The following SHROOM3 variants were observed in gnomAD, a reference collection of about 807,000 sequenced individuals.
SHROOM3 encodes protein Shroom3.
In SHROOM3, 47 loss-of-function variants were observed where a neutral mutation model predicts 138.6. The ratio of observed to expected loss-of-function variants is 0.34; its 90% confidence interval spans 0.27 to 0.43. SHROOM3 has a LOEUF of 0.43. Among genes scored for constraint, SHROOM3 ranks in the 20% least tolerant of loss-of-function variants. The pLI, the probability that SHROOM3 is intolerant of heterozygous loss-of-function variation, is 1.00. For missense variants in SHROOM3, 2,491 were observed against 2,596.5 expected, an observed-to-expected ratio of 0.96 and a Z score of 0.88; for synonymous variants, 1,062 against 1,063.3, an observed-to-expected ratio of 1.00 and a Z score of 0.02.
rs545132943 is a variant in SHROOM3 at position 76,442,107 on chromosome 4, C to G, written c.168+5887C>G. On this transcript the variant is annotated intron_variant, in intron 1 of 10. Transcript: ENST00000296043. ...TGGCGTCCTGCCAATAAATTGTACT[C>G]GTTAAGGCCAGATGGGTTTTACTCA... Among the ~76,000 whole-genome samples, 583 of 152,324 alleles carry G rather than the reference C, an allele frequency of 3.8e-3. 2 individuals carry two copies. Among genetic ancestry groups the G allele is most frequent in the African/African-American group, 0.013 (556 of 41,576 alleles).
At chr4:76,640,023 G>A (rs1207201621) in intron 2 of SHROOM3, among the ~76,000 whole-genome samples, 1 of 151,930 alleles carries the variant, frequency 6.6e-6, no homozygotes, top group Non-Finnish European at 1.5e-5. Flanking sequence ...TTTCTGAATG[G>A]TGTTTATTTT....
At chr4:76,510,127 C>T (rs980144147) in intron 1 of SHROOM3, among the ~76,000 whole-genome samples, 1 of 152,006 alleles carries the variant, frequency 6.6e-6, no homozygotes, top group African/African-American at 2.4e-5. Context: ...CGTACTTTTC[C>T]TTCTATAAAT....
At chr4:76,493,609 C>T (rs1731901091) in intron 1 of SHROOM3, among the ~76,000 whole-genome samples, 1 of 152,170 alleles carries the variant, frequency 6.6e-6, no homozygotes, top group Non-Finnish European at 1.5e-5. Flanking sequence ...AGAACCCTCC[C>T]TCCTTTCTTC....
chr4:76,656,921 C>T (rs565442753), intron 2 of SHROOM3, among the ~76,000 whole-genome samples: 4 of 152,276 alleles, frequency 2.6e-5, no homozygotes, highest in African/African-American at 9.6e-5. Context: ...CCTGTAATCC[C>T]AGCACTTTGG....
rs1722682187 is a variant in SHROOM3, at chr4:76,779,657, A to G, written c.*480A>G. On this transcript the variant is annotated 3_prime_UTR_variant, in exon 11 of 11. Transcript: ENST00000296043. ...TAAAACCTTGAACATTGTTATTTAT[A>G]TTTTTTAAAATGGAAAAGATCACTA... 1 of 155,896 alleles carries G rather than the reference A, an allele frequency of 6.4e-6. No homozygotes were observed. The highest frequency in any genetic ancestry group is 1.4e-5 in the Non-Finnish European group (1 of 69,980). The allele number at this position is 155,896 out of a possible 1,614,324, so 9.7% of individuals were successfully genotyped here.
intron 1 of SHROOM3, among the ~76,000 whole-genome samples, chr4:76,535,785 G>T (rs879653356): frequency 6.6e-6 from 1 of 152,202 alleles, no homozygotes; most frequent in South Asian, 2.1e-4. Context: ...GAATGACTTT[G>T]TTGTCACTGC....
intron 4 of SHROOM3, 31 bp downstream of exon 4, chr4:76,730,966 T>G: frequency 6.2e-7 from 1 of 1,613,318 alleles, no homozygotes; most frequent in Non-Finnish European, 8.5e-7. Flanking sequence ...CTGAAGGGTT[T>G]CTTTCTTTCT....
intron 3 of SHROOM3, among the ~76,000 whole-genome samples, chr4:76,730,530 G>C (rs2110128306): frequency 6.6e-6 from 1 of 152,336 alleles, no homozygotes; most frequent in Admixed American, 6.5e-5. Context: ...TCTAGGCGAA[G>C]TTTATGTGAG....
chr4:76,774,476 C>A (rs1345305049), intron 10 of SHROOM3, among the ~76,000 whole-genome samples: 1 of 151,898 alleles, frequency 6.6e-6, no homozygotes, highest in Non-Finnish European at 1.5e-5. Flanking sequence ...TTAACTGAAT[C>A]TCTAAAAAAA....
chr4:76,457,869 C>T, intron 1 of SHROOM3, among the ~76,000 whole-genome samples: 1 of 151,348 alleles, frequency 6.6e-6, no homozygotes, highest in Middle Eastern at 3.4e-3. Flanking sequence ...GATCTCGGCT[C>T]ACTGCAAGCT....
At chr4:76,614,889 A>G (rs1734840431) in intron 2 of SHROOM3, among the ~76,000 whole-genome samples, 1 of 152,218 alleles carries the variant, frequency 6.6e-6, no homozygotes, top group African/African-American at 2.4e-5. Context: ...TTGTGTCCTG[A>G]ATAAGGCATT....
chr4:76,776,505 A>C (rs1560626769), intron 10 of SHROOM3, among the ~76,000 whole-genome samples: 1 of 152,160 alleles, frequency 6.6e-6, no homozygotes, highest in African/African-American at 2.4e-5. Context: ...ATTCTTTGTC[A>C]TGAACTCTTT....
At chr4:76,568,869 C>G (rs553327194) in intron 2 of SHROOM3, among the ~76,000 whole-genome samples, 1 of 152,308 alleles carries the variant, frequency 6.6e-6, no homozygotes, top group East Asian at 1.9e-4. Flanking sequence ...GGTTTACAAC[C>G]CTGCCCGTTC....
chr4:76,537,298 G>A (rs1293182871), intron 1 of SHROOM3, among the ~76,000 whole-genome samples: 2 of 152,174 alleles, frequency 1.3e-5, no homozygotes, highest in African/African-American at 4.8e-5. Flanking sequence ...TCCCAAGGAA[G>A]TATGGTAGGA....
At chr4:76,629,828 T>C (rs1028138902) in intron 2 of SHROOM3, among the ~76,000 whole-genome samples, 1 of 152,204 alleles carries the variant, frequency 6.6e-6, no homozygotes, top group Non-Finnish European at 1.5e-5. Context: ...TTGTAAATTG[T>C]GTATAGCTAC....
chr4:76,758,559 C>G (rs1418652314), intron 8 of SHROOM3: 1 of 151,784 alleles, frequency 6.6e-6, no homozygotes, highest in African/African-American at 2.4e-5. Context: ...TGGTCAGATG[C>G]CAGAGAATCC....
intron 2 of SHROOM3, among the ~76,000 whole-genome samples, chr4:76,580,411 A>G (rs934870241): frequency 7.2e-6 from 1 of 139,680 alleles, no homozygotes; most frequent in Non-Finnish European, 1.6e-5. Flanking sequence ...TTCAAATCCT[A>G]TTACTACCAC....
intron 1 of SHROOM3, among the ~76,000 whole-genome samples, chr4:76,554,560 C>T (rs868290697): frequency 2.1e-4 from 32 of 151,978 alleles, no homozygotes; most frequent in Admixed American, 9.8e-4. Flanking sequence ...GCTGGGACTA[C>T]AGGTGCCTGC....
chr4:76,614,166 C>T (rs1228012185), intron 2 of SHROOM3, among the ~76,000 whole-genome samples: 13 of 152,126 alleles, frequency 8.5e-5, no homozygotes, highest in Admixed American at 7.2e-4. Flanking sequence ...CACCTTCTCC[C>T]GCTTCAGCCT....
Sources: gnomAD v4.1 joint callset for allele counts (sites outside exome capture counted in the v4.1 genomes callset) on GRCh38, gnomAD v4.1.1 for gene constraint, MANE v1.5 for transcripts, NCBI Gene and HGNC (gene_info 2026-07-23, HGNC 2026-07-21) for gene names.